CHRM2: variants seen among roughly 807,000 people sequenced by gnomAD.
The protein encoded by CHRM2 is cholinergic receptor muscarinic 2, also known as muscarinic acetylcholine receptor M2.
A neutral mutation model predicts 25.0 loss-of-function variants in CHRM2; 8 were observed. That is an observed-to-expected ratio of 0.32 (90% CI 0.19 to 0.58). The LOEUF is 0.58. CHRM2 is among the 20% of genes least tolerant of loss of function. CHRM2 has a pLI of 0.88. For missense variants in CHRM2, 440 were observed against 567.1 expected (o/e 0.78, Z 2.28); for synonymous variants, 202 against 205.7 (o/e 0.98, Z 0.15).
rs77540231 is a variant in CHRM2, at chr7:136,902,085, C to T, written c.-125+32667C>T. ...TAACAGTCCAGCCTCCCCTTAGCTT[C>T]TTCTATGGCTTTCATTAGGCTCCAT... is the stretch of plus-strand genomic sequence containing the variant. On this transcript the variant is annotated intron_variant, in intron 2 of 3. Transcript: ENST00000680005. The T allele has an allele frequency of 3.8e-3, 580 of 152,122 alleles. 1 individual carries two copies. Among genetic ancestry groups the T allele is most frequent in the African/African-American group, 0.013 (545 of 41,536 alleles). The allele number at this position is 152,122 out of a possible 1,614,324, so 9.4% of individuals were successfully genotyped here. A position where few individuals can be genotyped will look rare whatever the true frequency, so the allele number is the denominator to read the frequency against.
chr7:136,933,507 T>C (rs1647024266), intron 2 of CHRM2, among the ~76,000 whole-genome samples: 1 of 152,220 alleles, frequency 6.6e-6, no homozygotes, highest in African/African-American at 2.4e-5. Context: ...GCAGCCACTT[T>C]GGAAAATATT....
At chr7:136,952,381 T>A (rs1329155309) in intron 2 of CHRM2, among the ~76,000 whole-genome samples, 1 of 152,172 alleles carries the variant, frequency 6.6e-6, no homozygotes, top group Non-Finnish European at 1.5e-5. Flanking sequence ...TATAGACTTA[T>A]TTAAAGCGTA....
intron 2 of CHRM2, among the ~76,000 whole-genome samples, chr7:136,976,825 C>A (rs532445617): frequency 2.0e-5 from 3 of 152,128 alleles, no homozygotes; most frequent in African/African-American, 7.2e-5. Flanking sequence ...CACCACTAGT[C>A]CTTAGTCAAC....
chr7:136,930,927 A>AAAAAAAAAAAAAAAAAAAAAAAAAAAG (rs1290104978), intron 2 of CHRM2, among the ~76,000 whole-genome samples: 1 of 138,606 alleles, frequency 7.2e-6, no homozygotes, highest in African/African-American at 2.8e-5. Flanking sequence ...AAAAAAAAAA[A>AAAAAAAAAAAAAAAAAAAAAAAAAAAG]GGATAGAAAG....
At chr7:136,966,695 T>A (rs1426450536) in intron 2 of CHRM2, among the ~76,000 whole-genome samples, 1 of 149,014 alleles carries the variant, frequency 6.7e-6, no homozygotes, top group African/African-American at 2.5e-5. Flanking sequence ...ACACAGTGAG[T>A]CTATAAGTAT....
At chr7:136,873,484 T>C (rs932247839) in intron 2 of CHRM2, among the ~76,000 whole-genome samples, 1 of 152,226 alleles carries the variant, frequency 6.6e-6, no homozygotes, top group African/African-American at 2.4e-5. Flanking sequence ...CTCTTTTGAA[T>C]GAGTTAATAC....
intron 2 of CHRM2, among the ~76,000 whole-genome samples, chr7:136,982,518 G>A (rs997654433): frequency 6.6e-6 from 1 of 152,074 alleles, no homozygotes. Flanking sequence ...CCCATTAGTT[G>A]GTGCTGTTTC....
intron 2 of CHRM2, among the ~76,000 whole-genome samples, chr7:136,913,648 C>T (rs1463764294): frequency 6.6e-6 from 1 of 151,948 alleles, no homozygotes; most frequent in African/African-American, 2.4e-5. Context: ...CGAAGTCTCA[C>T]TCTGTTGCCC....
intron 2 of CHRM2, among the ~76,000 whole-genome samples, chr7:136,916,388 G>A (rs35458626): frequency 0.22 from 33,830 of 151,476 alleles, 4,926 homozygotes; most frequent in Non-Finnish European, 0.32. Context: ...TCATTGAAGA[G>A]GCTATTTTAT....
At chr7:136,985,148 C>T (rs1802762080) in intron 2 of CHRM2, among the ~76,000 whole-genome samples, 1 of 152,150 alleles carries the variant, frequency 6.6e-6, no homozygotes, top group African/African-American at 2.4e-5. Flanking sequence ...GAGGTAAAAG[C>T]TGCACATGTG....
chr7:136,972,069 T>C (rs189438653), intron 2 of CHRM2, among the ~76,000 whole-genome samples: 5 of 152,236 alleles, frequency 3.3e-5, no homozygotes, highest in Non-Finnish European at 2.9e-5. Context: ...ATTTGGACAT[T>C]ACGTATACTG....
intron 2 of CHRM2, among the ~76,000 whole-genome samples, chr7:136,932,171 C>T (rs748698780): frequency 1.1e-4 from 16 of 152,278 alleles, no homozygotes; most frequent in South Asian, 6.2e-4. Context: ...GGGAATACAG[C>T]GCACAACTGT....
At chr7:136,950,783 CTGTTGTTGTTGTTGT>C (rs200954535) in intron 2 of CHRM2, among the ~76,000 whole-genome samples, 3 of 149,782 alleles carry the variant, frequency 2.0e-5, no homozygotes, top group Admixed American at 6.7e-5. Context: ...AACCCCCAAC[CTGTTGTTGTTGTTGT>C]TGTTGTTGTT....
At chr7:136,904,839 C>T (rs186639054) in intron 2 of CHRM2, among the ~76,000 whole-genome samples, 31 of 151,936 alleles carry the variant, frequency 2.0e-4, no homozygotes, top group African/African-American at 6.5e-4. Context: ...AAAAAGAGCA[C>T]GGGTTTAGAA....
chr7:136,996,726 T>G (rs1803630173), intron 3 of CHRM2, among the ~76,000 whole-genome samples: 1 of 152,158 alleles, frequency 6.6e-6, no homozygotes, highest in African/African-American at 2.4e-5. Context: ...CTAAATATCA[T>G]GTACCCATAA....
chr7:136,944,830 A>G (rs1799976324), intron 2 of CHRM2, among the ~76,000 whole-genome samples: 1 of 152,016 alleles, frequency 6.6e-6, no homozygotes, highest in African/African-American at 2.4e-5. Context: ...CAAAAACCAC[A>G]ATTGCTTTTG....
intron 3 of CHRM2, among the ~76,000 whole-genome samples, chr7:136,994,022 G>A: frequency 6.6e-6 from 1 of 152,210 alleles, no homozygotes; most frequent in South Asian, 2.1e-4. Flanking sequence ...GCAGGTGATG[G>A]TTGCAATGCC....
intron 3 of CHRM2, among the ~76,000 whole-genome samples, chr7:137,003,905 G>A (rs1467729296): frequency 1.3e-5 from 2 of 152,002 alleles, no homozygotes; most frequent in East Asian, 1.9e-4. Flanking sequence ...TTGATAAGGG[G>A]CTTTTCCCCT....
At chr7:136,872,742 C>G (rs376070795) in intron 2 of CHRM2, among the ~76,000 whole-genome samples, 10 of 152,140 alleles carry the variant, frequency 6.6e-5, no homozygotes, top group Non-Finnish European at 1.0e-4. Context: ...AAAGTTAAAA[C>G]AAGTACAAAA....
Sources: allele counts gnomAD v4.1 joint callset (sites outside exome capture counted in the v4.1 genomes callset), GRCh38; gene constraint gnomAD v4.1.1; transcripts MANE v1.5; gene names NCBI Gene and HGNC (gene_info 2026-07-23, HGNC 2026-07-21).